GRIK1: variants seen among roughly 807,000 people sequenced by gnomAD.
GRIK1 encodes glutamate receptor ionotropic, kainate 1.
A neutral mutation model predicts 105.7 loss-of-function variants in GRIK1; 69 were observed. That is an observed-to-expected ratio of 0.65 (90% CI 0.54 to 0.80). The LOEUF (loss-of-function observed/expected upper bound fraction) is 0.80, where lower values mean the gene tolerates loss of function less well. Among genes scored for constraint, GRIK1 ranks in the 30% least tolerant of loss-of-function variants. GRIK1 has a pLI of 0.00. For synonymous variants in GRIK1, 438 were observed against 431.3 expected (o/e 1.02, Z -0.19); for missense variants, 1,109 against 1,167.3 (o/e 0.95, Z 0.73).
intron 1 of GRIK1, among the ~76,000 whole-genome samples, chr21:29,746,946 C>T (rs1023203661): frequency 1.3e-5 from 2 of 152,116 alleles, no homozygotes; most frequent in Non-Finnish European, 1.5e-5. Context: ...TTTTCTACAC[C>T]TCAATCAGAT....
chr21:29,810,790 C>T (rs2066989631), intron 1 of GRIK1, among the ~76,000 whole-genome samples: 1 of 151,960 alleles, frequency 6.6e-6, no homozygotes, highest in Admixed American at 6.6e-5. Context: ...TGGTTTCAGC[C>T]CCACCACCTT....
intron 6 of GRIK1, among the ~76,000 whole-genome samples, chr21:29,649,023 T>G (rs2062673558): frequency 6.6e-6 from 1 of 152,204 alleles, no homozygotes; most frequent in South Asian, 2.1e-4. Context: ...TTTGGGGTCA[T>G]AAGTTTGCTC....
chr21:29,933,523 G>A (rs80149417), intron 1 of GRIK1, among the ~76,000 whole-genome samples: 1,535 of 152,252 alleles, frequency 0.01, 15 homozygotes, highest in African/African-American at 0.035. Context: ...ATACAAACGT[G>A]CCTCATGAAT....
intron 16 of GRIK1, among the ~76,000 whole-genome samples, chr21:29,545,190 T>C (rs2090031897): frequency 6.6e-6 from 1 of 152,236 alleles, no homozygotes; most frequent in South Asian, 2.1e-4. Context: ...AGTCCAGTGC[T>C]ATGAGCAGAG....
At chr21:29,917,485 C>A (rs1249385506) in intron 1 of GRIK1, among the ~76,000 whole-genome samples, 1 of 152,000 alleles carries the variant, frequency 6.6e-6, no homozygotes, top group Non-Finnish European at 1.5e-5. Flanking sequence ...GGAGAACGAT[C>A]ATAGGAAATG....
At chr21:29,570,597 C>G (rs150719567) in intron 14 of GRIK1, among the ~76,000 whole-genome samples, 1 of 152,084 alleles carries the variant, frequency 6.6e-6, no homozygotes, top group Non-Finnish European at 1.5e-5. Flanking sequence ...AATTTGATGC[C>G]GATCGCCTCA....
chr21:29,919,736 G>A (rs1279756060), intron 1 of GRIK1, among the ~76,000 whole-genome samples: 1 of 152,070 alleles, frequency 6.6e-6, no homozygotes, highest in Non-Finnish European at 1.5e-5. Context: ...AATGACTTCT[G>A]TACTTTTACA....
At chr21:29,647,446 G>A (rs2062642704) in intron 6 of GRIK1, among the ~76,000 whole-genome samples, 1 of 152,188 alleles carries the variant, frequency 6.6e-6, no homozygotes. Context: ...AGCAGTGGAT[G>A]TACAAAGTGG....
chr21:29,722,311 C>T (rs1216368302), intron 1 of GRIK1, among the ~76,000 whole-genome samples: 1 of 152,076 alleles, frequency 6.6e-6, no homozygotes, highest in Non-Finnish European at 1.5e-5. Context: ...TAAAAAAGCA[C>T]TTTGGGAGGC....
chr21:29,650,920 A>C (rs1293239503), intron 6 of GRIK1, among the ~76,000 whole-genome samples, 198 bp downstream of exon 6: 1 of 152,238 alleles, frequency 6.6e-6, no homozygotes, highest in Non-Finnish European at 1.5e-5. Flanking sequence ...AAGTACATCC[A>C]GGAAGCTAAA....
chr21:29,555,473 T>C (rs185168086), intron 15 of GRIK1, among the ~76,000 whole-genome samples, 171 bp from the exon 16 acceptor site: 2 of 152,276 alleles, frequency 1.3e-5, no homozygotes, highest in East Asian at 3.9e-4. Context: ...GAAGGCACTA[T>C]ATAATTGGAA....
intron 1 of GRIK1, among the ~76,000 whole-genome samples, chr21:29,927,605 G>A (rs2146346073): frequency 6.6e-6 from 1 of 151,282 alleles, no homozygotes; most frequent in South Asian, 2.1e-4. Flanking sequence ...GGGCATGGTG[G>A]CTCACACCTG....
At chr21:29,932,510 C>T (rs757341454) in intron 1 of GRIK1, among the ~76,000 whole-genome samples, 2 of 151,956 alleles carry the variant, frequency 1.3e-5, no homozygotes, top group Non-Finnish European at 2.9e-5. Flanking sequence ...AATATTTTTA[C>T]TTCTTTCCTT....
In GRIK1 at chr21:29,707,446, C is replaced by CCTTCCTTCCTTCCTTCCTTCCTT. The variant is rs2063937804; in HGVS notation, c.119-13384_119-13383insAAGGAAGGAAGGAAGGAAGGAAG. On this transcript the variant is annotated intron_variant, in intron 1 of 17. Coordinates refer to ENST00000327783, the MANE Select transcript of GRIK1 (RefSeq NM_001330994.2). The stretch of plus-strand genomic sequence containing the variant: ...TCTTTCCCTTCCTCCCTCCCTCCCT[C>CCTTCCTTCCTTCCTTCCTTCCTT]CCTCCCTCCCTCCCTCCCTCCCTCC... Among the ~76,000 whole-genome samples the CCTTCCTTCCTTCCTTCCTTCCTT allele has an allele frequency of 7.1e-3, 132 of 18,644 alleles. 10 individuals are homozygous for CCTTCCTTCCTTCCTTCCTTCCTT. The highest frequency in any genetic ancestry group is 0.046 in the South Asian group (18 of 392). 12.2% of individuals were successfully genotyped at this position (18,644 alleles called of 152,430 possible). A position where few individuals can be genotyped will look rare whatever the true frequency, so the allele number is the denominator to read the frequency against.
chr21:29,935,907 G>A (rs2071731279), intron 1 of GRIK1, among the ~76,000 whole-genome samples: 1 of 151,938 alleles, frequency 6.6e-6, no homozygotes, highest in East Asian at 1.9e-4. Context: ...ACCCTGTTTA[G>A]GAAGAAAATG....
chr21:29,663,485 C>G (rs568581389), intron 4 of GRIK1, among the ~76,000 whole-genome samples: 15 of 152,240 alleles, frequency 9.9e-5, no homozygotes, highest in African/African-American at 3.4e-4. Flanking sequence ...AGAATTCAGA[C>G]CTACCTTGAT....
rs372354767 is a variant in GRIK1, at chr21:29,553,502, A to G, written c.2607+1550T>C. 41 of 1,491,988 alleles carry G rather than the reference A, an allele frequency of 2.7e-5. No individual in the cohort carries two copies. In the African/African-American group the frequency reaches 5.4e-4, roughly 20 times the overall value. 92.4% of individuals were successfully genotyped at this position (1,491,988 alleles called of 1,614,324 possible). On this transcript the variant is annotated intron_variant, in intron 16 of 17. Transcript: ENST00000327783. ...GCAAATACAAATATCAACAACACCA[A>G]TTAGCAAAAACATTTTCTACTGGGC...
chr21:29,577,358 A>G (rs901986649), intron 13 of GRIK1, among the ~76,000 whole-genome samples, 177 bp from the exon 14 acceptor site: 12 of 152,256 alleles, frequency 7.9e-5, no homozygotes, highest in African/African-American at 2.9e-4. Context: ...TTTTCAAATC[A>G]TTAATCACTA....
At chr21:29,788,288 C>T (rs939745388) in intron 1 of GRIK1, among the ~76,000 whole-genome samples, 3 of 152,152 alleles carry the variant, frequency 2.0e-5, no homozygotes, top group Non-Finnish European at 2.9e-5. Context: ...ACAAGGTGGT[C>T]AAGACGGGCA....
Sources: allele counts gnomAD v4.1 joint callset (sites outside exome capture counted in the v4.1 genomes callset), GRCh38; gene constraint gnomAD v4.1.1; transcripts MANE v1.5; gene names NCBI Gene and HGNC (gene_info 2026-07-23, HGNC 2026-07-21).